Variants in IMMP2L observed in about 807,000 individuals in gnomAD.
The protein encoded by IMMP2L is mitochondrial inner membrane protease subunit 2.
In IMMP2L, 18 loss-of-function variants were observed where a neutral mutation model predicts 19.3. That is an observed-to-expected ratio of 0.93 (90% CI 0.64 to 1.38). The LOEUF is 1.38. Ranked by LOEUF, IMMP2L falls within the 40% of genes most tolerant of loss-of-function variation. The pLI, the probability that IMMP2L is intolerant of heterozygous loss-of-function variation, is 0.00. For synonymous variants in IMMP2L, 76 were observed against 73.0 expected (o/e 1.04, Z -0.21); for missense variants, 233 against 218.2 (o/e 1.07, Z -0.43).
intron 3 of IMMP2L, among the ~76,000 whole-genome samples, chr7:111,214,359 G>C (rs1463354150): frequency 1.7e-4 from 1 of 6,038 alleles, no homozygotes; most frequent in Non-Finnish European, 4.7e-4. Context: ...TTTTTTTTTT[G>C]AGACAGGGTC....
At chr7:111,360,309 C>A (rs185837169) in intron 3 of IMMP2L, among the ~76,000 whole-genome samples, 6 of 152,100 alleles carry the variant, frequency 3.9e-5, no homozygotes, top group African/African-American at 1.4e-4. Context: ...AAGCAGTGTC[C>A]CCATAGTGTG....
chr7:111,249,786 T>C (rs1366477317), intron 3 of IMMP2L, among the ~76,000 whole-genome samples: 1 of 152,082 alleles, frequency 6.6e-6, no homozygotes, highest in Non-Finnish European at 1.5e-5. Flanking sequence ...CCATATATGA[T>C]AAATCCACAG....
chr7:111,251,222 G>C (rs1307707308), intron 3 of IMMP2L, among the ~76,000 whole-genome samples: 1 of 152,108 alleles, frequency 6.6e-6, no homozygotes, highest in African/African-American at 2.4e-5. Flanking sequence ...CAGTCAGAAT[G>C]GTGATTATTA....
chr7:110,705,530 T>C (rs11766789), intron 5 of IMMP2L, among the ~76,000 whole-genome samples: 323 of 152,300 alleles, frequency 2.1e-3, no homozygotes, highest in South Asian at 3.9e-3. Context: ...TCAAAATATT[T>C]CATCTCATAA....
chr7:111,026,492 C>T (rs1242954810), intron 3 of IMMP2L, among the ~76,000 whole-genome samples: 1 of 152,068 alleles, frequency 6.6e-6, no homozygotes, highest in African/African-American at 2.4e-5. Context: ...GGAAAATGTG[C>T]AATTTAGATT....
At chr7:110,962,915 G>T in intron 4 of IMMP2L, 1 of 1,400,576 alleles carries the variant, frequency 7.1e-7, no homozygotes, top group Non-Finnish European at 9.2e-7. Context: ...ATGCCACACA[G>T]TATTTACTTG....
chr7:110,890,178 T>C (rs1176280566), intron 4 of IMMP2L, among the ~76,000 whole-genome samples: 1 of 152,158 alleles, frequency 6.6e-6, no homozygotes, highest in African/African-American at 2.4e-5. Flanking sequence ...CTTTTTTTTC[T>C]TTTGCTCCTA....
chr7:111,184,211 A>T (rs922535539), intron 3 of IMMP2L, among the ~76,000 whole-genome samples: 3 of 152,054 alleles, frequency 2.0e-5, no homozygotes, highest in Admixed American at 6.6e-5. Flanking sequence ...TAATTATATC[A>T]TAAGAATCAA....
intron 5 of IMMP2L, among the ~76,000 whole-genome samples, chr7:110,749,336 G>T (rs1315929499): frequency 6.6e-6 from 1 of 152,164 alleles, no homozygotes; most frequent in Non-Finnish European, 1.5e-5. Context: ...AGACAGTGTG[G>T]CGATTCCTCA....
chr7:111,085,292 G>C lies in IMMP2L; in HGVS notation c.240-121727C>G, dbSNP rs143000024. On this transcript the variant is annotated intron_variant, in intron 3 of 5. Transcript: ENST00000405709. ...AGTAATGGGATTGCTGAGTCAAATG[G>C]TATTTCTGCCTTTAGGTCTTTGTGG... is the stretch of plus-strand genomic sequence containing the variant. Among the ~76,000 whole-genome samples the C allele has an allele frequency of 5.6e-3, 858 of 152,298 alleles. 14 individuals are homozygous for C. Among genetic ancestry groups the C allele is most frequent in the African/African-American group, 0.02 (824 of 41,566 alleles).
At chr7:110,771,255 G>A (rs1799011850) in intron 5 of IMMP2L, among the ~76,000 whole-genome samples, 1 of 152,146 alleles carries the variant, frequency 6.6e-6, no homozygotes, top group South Asian at 2.1e-4. Context: ...GGAGGATCAA[G>A]TCACACGTTA....
intron 5 of IMMP2L, among the ~76,000 whole-genome samples, chr7:110,756,940 G>A (rs1798073284): frequency 6.6e-6 from 1 of 151,794 alleles, no homozygotes; most frequent in South Asian, 2.1e-4. Flanking sequence ...TTAAGAGAAT[G>A]GTTTATACAT....
Position 111,032,718 on chromosome 7 carries a change from A to T in IMMP2L, c.240-69153T>A, listed in dbSNP as rs546921371. Among the ~76,000 whole-genome samples, 5 of 152,300 alleles carry T rather than the reference A, an allele frequency of 3.3e-5. No individual in the cohort carries two copies. The South Asian group carries it at 1.0e-3, about 32-fold the overall frequency. Reference sequence around the variant, plus strand: ...ATGCCTGTAATCCTAGCTACTCAGGAGGCTGAGGCAGGAGAATTGCTTGAA... The same window carrying T: ...ATGCCTGTAATCCTAGCTACTCAGGTGGCTGAGGCAGGAGAATTGCTTGAA... On this transcript the variant is annotated intron_variant, in intron 3 of 5. Coordinates refer to ENST00000405709, the MANE Select transcript of IMMP2L (RefSeq NM_032549.4).
At chr7:111,037,738 G>A (rs1017364979) in intron 3 of IMMP2L, among the ~76,000 whole-genome samples, 4 of 152,064 alleles carry the variant, frequency 2.6e-5, no homozygotes, top group Admixed American at 2.0e-4. Flanking sequence ...TGTTAACACT[G>A]AACATAAAGC....
rs528372556 is a variant in IMMP2L at position 111,451,815 on chromosome 7, A to T, written c.239+35423T>A. Among the ~76,000 whole-genome samples, 16 of 152,224 alleles carry T rather than the reference A, an allele frequency of 1.1e-4. No homozygotes were observed. In the South Asian group the frequency reaches 2.9e-3, roughly 28 times the overall value. On this transcript the variant is annotated intron_variant, in intron 3 of 5. Coordinates refer to ENST00000405709, the MANE Select transcript of IMMP2L (RefSeq NM_032549.4). ...ATTAGGAAAGGAAGAAACCCTTTCA[A>T]ACAAAGAAATCCTACGTTTTCTCTC...
chr7:111,531,157 A>G (rs908078610), intron 1 of IMMP2L, among the ~76,000 whole-genome samples: 1 of 151,970 alleles, frequency 6.6e-6, no homozygotes, highest in Non-Finnish European at 1.5e-5. Context: ...GGGTTTCACC[A>G]TGTTAGCCAG....
intron 3 of IMMP2L, among the ~76,000 whole-genome samples, chr7:111,224,296 T>C (rs149966142): frequency 8.3e-4 from 127 of 152,278 alleles, no homozygotes; most frequent in Middle Eastern, 3.4e-3. Flanking sequence ...ATGAATATAC[T>C]AAAATTCTTT....
intron 2 of IMMP2L, among the ~76,000 whole-genome samples, chr7:111,489,656 T>A (rs1470130628): frequency 6.6e-6 from 1 of 152,190 alleles, no homozygotes; most frequent in Non-Finnish European, 1.5e-5. Context: ...AAATTCTGCA[T>A]GGAGGCTATT....
intron 3 of IMMP2L, among the ~76,000 whole-genome samples, chr7:111,315,666 G>C (rs1317406160): frequency 6.6e-6 from 1 of 151,016 alleles, no homozygotes; most frequent in Non-Finnish European, 1.5e-5. Flanking sequence ...TAGTCTTTCA[G>C]TAATGAATGA....
Sources: allele counts gnomAD v4.1 joint callset (sites outside exome capture counted in the v4.1 genomes callset), GRCh38; gene constraint gnomAD v4.1.1; transcripts MANE v1.5; gene names NCBI Gene and HGNC (gene_info 2026-07-23, HGNC 2026-07-21).